PPRC1: variants seen among roughly 807,000 people sequenced by gnomAD.
PPRC1 encodes the protein PPARG related coactivator 1, also known as peroxisome proliferator-activated receptor gamma coactivator-related protein 1.
Under a neutral mutation model 132.5 loss-of-function variants are expected in PPRC1, and 23 were observed. The observed-to-expected ratio is 0.17, with a 90% confidence interval of 0.12 to 0.25. The LOEUF (loss-of-function observed/expected upper bound fraction) is 0.25. Ranked by LOEUF, PPRC1 falls within the 10% of genes least tolerant of loss-of-function variation. The probability of loss-of-function intolerance (pLI) is 1.00; values close to 1 mark genes in which losing one functional copy is unlikely to be tolerated. For synonymous variants in PPRC1, 872 were observed against 833.5 expected, an observed-to-expected ratio of 1.05 and a Z score of -0.80; for missense variants, 2,006 against 2,089.1, an observed-to-expected ratio of 0.96 and a Z score of 0.78.
At position 102,139,680 on chromosome 10, in the gene PPRC1, T is replaced by C; in HGVS notation, c.1172T>C (p.Met391Thr). 1 of 1,614,114 alleles carries C rather than the reference T, an allele frequency of 6.2e-7. No homozygotes were observed. The highest frequency in any genetic ancestry group is 1.1e-5 in the South Asian group (1 of 91,090). The change falls in exon 5 of 14, where the codon ATG (methionine) becomes ACG (threonine). Residue 391 changes from methionine (M) to threonine (T), a missense_variant. By Grantham distance (81) the Met-to-Thr change is moderately conservative. Around this residue, in one of 2 missense-constraint regions of PPRC1, gnomAD observed 1,914 missense variants for 1,917.2 expected, o/e 1.00. Coordinates refer to ENST00000278070, the MANE Select transcript of PPRC1 (RefSeq NM_015062.5). Reference protein sequence around the residue: ...LETSSALQLLMPTLESETEAA... With the variant: ...LETSSALQLLTPTLESETEAA... ...ACTAGTTCTGCCTTGCAGCTGCTTA[T>C]GCCTACACTGGAGTCAGAGACAGAG...
rs2068965392 is a variant in PPRC1, at chr10:102,141,306, G to T, written c.2798G>T (p.Gly933Val). ...TGTTATCCTCATGTGTCCCCTTCTG[G>T]CTATCCTTGCCTGCCCCCCCCACCA... ...WPCYPHVSPS[G>V]YPCLPPPPTV... is the part of the protein sequence containing the mutation. The change falls in exon 5 of 14, where the codon GGC becomes GTC. Residue 933 changes from glycine to valine, a missense_variant. Physicochemically the swap from Gly to Val is moderately radical, Grantham distance 109. Coordinates refer to ENST00000278070, the MANE Select transcript of PPRC1 (RefSeq NM_015062.5). 1 of 1,613,758 alleles carries T rather than the reference G, an allele frequency of 6.2e-7. No homozygotes were observed.
At chr10:102,120,169 A>T in the PPRC1 span, 3 of 1,218,428 alleles carry the variant, frequency 2.5e-6, no homozygotes, top group Non-Finnish European at 3.1e-6. Context: ...CCTCGCGGGG[A>T]CAGGCCGGGC....
upstream of PPRC1, among the ~76,000 whole-genome samples, chr10:102,131,538 T>C (rs1265773587): frequency 6.6e-6 from 1 of 152,228 alleles, no homozygotes; most frequent in Non-Finnish European, 1.5e-5. Flanking sequence ...AACTCGGCAC[T>C]TGAATTTCAT....
chr10:102,148,404 G>T lies in PPRC1; in HGVS notation c.4433G>T (p.Arg1478Ile), dbSNP rs2069357781. 6.2e-7 allele frequency: 1 copy of T among 1,613,344 alleles called. No homozygotes were observed. Among genetic ancestry groups the T allele is most frequent in the Non-Finnish European group, 8.5e-7 (1 of 1,179,600 alleles). ...SSCSSSGRSR[R>I]CSSSSSSSSS... Reference sequence around the variant, plus strand: ...TGTAGTTCCTCTGGACGTTCTCGAAGATGCTCTTCCTCTTCTTCGTCATCA... The same window carrying T: ...TGTAGTTCCTCTGGACGTTCTCGAATATGCTCTTCCTCTTCTTCGTCATCA... Residue 1478 changes from arginine to isoleucine, a missense_variant, in exon 10 of 14, where the codon AGA becomes ATA. Physicochemically the swap from Arg to Ile is moderately conservative, Grantham distance 97 (BLOSUM62 -3). This residue lies in a region of PPRC1 where 1,914 missense variants were observed against 1,917.2 expected (regional missense o/e 1.00). Coordinates refer to ENST00000278070, the MANE Select transcript of PPRC1 (RefSeq NM_015062.5). The surrounding 1 kb of genome is among the most constrained non-coding windows in gnomAD (Gnocchi z 4.2).
intron 1 of PPRC1, 126 bp downstream of exon 1, chr10:102,133,347 C>A: frequency 1.2e-6 from 1 of 865,428 alleles, no homozygotes; most frequent in Non-Finnish European, 1.5e-6. Flanking sequence ...GGGAGCCGGG[C>A]CGGAGCAAGT....
rs781186675 is a variant in PPRC1 at position 102,139,695 on chromosome 10, C to T, written c.1187C>T (p.Ser396Leu). 1 of 1,614,078 alleles carries T rather than the reference C, an allele frequency of 6.2e-7. No individual in the cohort carries two copies. Among genetic ancestry groups the T allele is most frequent in the East Asian group, 2.2e-5 (1 of 44,886 alleles). ...CAGCTGCTTATGCCTACACTGGAGT[C>T]AGAGACAGAGGCTGCTGTGCCCAAG... ...ALQLLMPTLE[S>L]ETEAAVPKVT... The change falls in exon 5 of 14, where the codon TCA becomes TTA. Residue 396 changes from serine to leucine, a missense_variant. This residue lies in a region of PPRC1 where 1,914 missense variants were observed against 1,917.2 expected (regional missense o/e 1.00). Coordinates refer to ENST00000278070, the MANE Select transcript of PPRC1 (RefSeq NM_015062.5).
rs1476772926 is a variant in PPRC1 at position 102,141,160 on chromosome 10, T to G, written c.2652T>G (p.Gly884=). 1 of 1,613,980 alleles carries G rather than the reference T, an allele frequency of 6.2e-7. No individual in the cohort carries two copies. The highest frequency in any genetic ancestry group is 1.1e-5 in the South Asian group (1 of 91,078). The change falls in exon 5 of 14, where the codon GGT becomes GGG. Residue 884 remains glycine (G), a synonymous_variant. Transcript: ENST00000278070. ...SMSAALPFPA[G]GLGMPPSLPP... ...CTGCTGCCCTGCCTTTCCCTGCAGG[T>G]GGGCTTGGCATGCCCCCCAGTCTGC...
At chr10:102,136,477 C>G (rs1361340764) in intron 1 of PPRC1, among the ~76,000 whole-genome samples, 1 of 152,124 alleles carries the variant, frequency 6.6e-6, no homozygotes, top group Non-Finnish European at 1.5e-5. Flanking sequence ...GTAGTTTCCC[C>G]TTATCCACAG....
the PPRC1 span, among the ~76,000 whole-genome samples, chr10:102,127,782 G>A: frequency 6.6e-6 from 1 of 151,950 alleles, no homozygotes; most frequent in Non-Finnish European, 1.5e-5. Flanking sequence ...GAACTCCTGA[G>A]CTCAGGCAAT....
In PPRC1 at chr10:102,141,643, T is replaced by C; in HGVS notation, c.3135T>C (p.His1045=). 4.3e-6 allele frequency: 7 copies of C among 1,614,110 alleles called. No homozygotes were observed. The highest frequency in any genetic ancestry group is 5.9e-6 in the Non-Finnish European group (7 of 1,180,010). The change falls in exon 5 of 14, where the codon CAT becomes CAC. Residue 1045 remains histidine (H), a synonymous_variant. Transcript: ENST00000278070. ...APPLSLGLPG[H]GAPQTEPTKV... Reference sequence around the variant, plus strand: ...CCCTCAGTCTTGGGCTACCTGGCCATGGAGCTCCTCAGACAGAGCCTACCA... The same window carrying C: ...CCCTCAGTCTTGGGCTACCTGGCCACGGAGCTCCTCAGACAGAGCCTACCA...
intron 6 of PPRC1, among the ~76,000 whole-genome samples, chr10:102,143,643 T>A (rs1397132484): frequency 6.7e-6 from 1 of 149,324 alleles, no homozygotes; most frequent in Non-Finnish European, 1.5e-5. Flanking sequence ...GTTGGGGTTG[T>A]TTAGGGACAT....
At chr10:102,129,032 C>G (rs1015554198), upstream of PPRC1, among the ~76,000 whole-genome samples, 3 of 150,430 alleles carry the variant, frequency 2.0e-5, no homozygotes, top group African/African-American at 7.4e-5. Flanking sequence ...CGGGTTCACG[C>G]CATTCTCCTG....
chr10:102,131,088 G>A (rs1025562133), upstream of PPRC1, among the ~76,000 whole-genome samples: 18 of 150,876 alleles, frequency 1.2e-4, no homozygotes, highest in East Asian at 3.9e-4. Context: ...CCACCTACTC[G>A]GGAGGCTGAG....
At chr10:102,136,516 C>T (rs994350816) in intron 1 of PPRC1, among the ~76,000 whole-genome samples, 9 of 152,126 alleles carry the variant, frequency 5.9e-5, no homozygotes, top group African/African-American at 2.2e-4. Flanking sequence ...CAACTGGGGT[C>T]TAAAAATACA....
At chr10:102,143,132 T>C (rs1219392599) in intron 6 of PPRC1, 34 bp downstream of exon 6, 4 of 1,590,944 alleles carry the variant, frequency 2.5e-6, no homozygotes, top group Middle Eastern at 1.7e-4. Context: ...CTCCAACTCT[T>C]TTTTTGGTGA....
At chr10:102,147,905 A>G (rs947415740) in intron 9 of PPRC1, among the ~76,000 whole-genome samples, 3 of 152,010 alleles carry the variant, frequency 2.0e-5, no homozygotes, top group Non-Finnish European at 2.9e-5. Context: ...GAGATGATAT[A>G]TGTCTTCAGA....
intron 6 of PPRC1, among the ~76,000 whole-genome samples, chr10:102,143,845 C>T (rs1253074223): frequency 3.3e-5 from 5 of 152,194 alleles, no homozygotes; most frequent in Non-Finnish European, 7.3e-5. Context: ...ACACTATCTT[C>T]TTCTCAAGGA....
Position 102,139,216 on chromosome 10 carries a change from A to G in PPRC1, c.708A>G (p.Gln236=), listed in dbSNP as rs1207387439. 3 of 1,614,064 alleles carry G rather than the reference A, an allele frequency of 1.9e-6. No individual in the cohort carries two copies. The highest frequency in any genetic ancestry group is 1.3e-5 in the African/African-American group (1 of 75,002). ...RPPRSRPRWG[Q]SPPPQQRSDG... is the part of the protein sequence containing the mutation. ...CAAGATCAAGACCACGCTGGGGCCA[A>G]TCCCCACCTCCCCAGCAGCGCAGTG... is the stretch of plus-strand genomic sequence containing the variant. The change falls in exon 5 of 14, where the codon CAA becomes CAG. Residue 236 remains glutamine (Q), a synonymous_variant. Coordinates refer to ENST00000278070, the MANE Select transcript of PPRC1 (RefSeq NM_015062.5).
intron 8 of PPRC1, among the ~76,000 whole-genome samples, chr10:102,145,862 C>CT (rs1040810043): frequency 2.0e-4 from 31 of 151,542 alleles, no homozygotes; most frequent in African/African-American, 7.5e-4. Context: ...AAGACTCTGT[C>CT]TTTAAAAAAA....
Sources: gnomAD v4.1 joint callset for allele counts (sites outside exome capture counted in the v4.1 genomes callset) on GRCh38, gnomAD v4.1.1 for gene constraint, gnomAD v4.1.1 regional missense constraint, Gnocchi (gnomAD v3.1) non-coding constraint, MANE v1.5 for transcripts, NCBI Gene and HGNC (gene_info 2026-07-23, HGNC 2026-07-21) for gene names.